Variants in HOATZ observed in about 807,000 individuals in gnomAD.
HOATZ encodes the protein cilia- and flagella-associated protein HOATZ.
HOATZ carries 26 observed loss-of-function variants against 24.9 expected under a neutral mutation model. The ratio of observed to expected loss-of-function variants is 1.04; its 90% CI spans 0.76 to 1.45. The LOEUF (loss-of-function observed/expected upper bound fraction) is 1.45, where lower values mean the gene tolerates loss of function less well. Ranked by LOEUF, HOATZ falls within the 40% of genes most tolerant of loss-of-function variation. The probability of loss-of-function intolerance (pLI) is 0.00; values close to 1 mark genes in which losing one functional copy is unlikely to be tolerated. For synonymous variants in HOATZ, 83 were observed against 76.6 expected (o/e 1.08, Z -0.43); for missense variants, 226 against 201.5 (o/e 1.12, Z -0.74).
chr11:111,531,839 G>A (rs1867396629), intron 3 of HOATZ, among the ~76,000 whole-genome samples: 2 of 152,160 alleles, frequency 1.3e-5, no homozygotes, highest in South Asian at 4.1e-4. Flanking sequence ...TGCCCAGCGT[G>A]GGCCCCTTCT....
rs765569734 is a variant in HOATZ, at chr11:111,515,562, A to G, written c.268+10A>G. The G allele has an allele frequency of 5.0e-6, 8 of 1,609,096 alleles. No individual in the cohort carries two copies. The highest frequency in any genetic ancestry group is 6.0e-6 in the Non-Finnish European group (7 of 1,175,618). The stretch of plus-strand genomic sequence containing the variant: ...CACCTTGCGAGTAACAGTAAGTACC[A>G]AGTTTTATGCCTTTCAACATTCTGA... On this transcript the variant is annotated intron_variant, in intron 2 of 5. Coordinates refer to ENST00000375618, the MANE Select transcript of HOATZ (RefSeq NM_001100388.2).
intron 3 of HOATZ, among the ~76,000 whole-genome samples, chr11:111,529,798 T>G (rs1431405350): frequency 1.3e-5 from 2 of 152,218 alleles, no homozygotes; most frequent in African/African-American, 4.8e-5. Flanking sequence ...TTAAGAGCTT[T>G]TTTTATAATT....
chr11:111,528,173 T>A (rs953183908), intron 3 of HOATZ, among the ~76,000 whole-genome samples: 5 of 104,132 alleles, frequency 4.8e-5, no homozygotes, highest in African/African-American at 1.3e-4. Flanking sequence ...AAAAAAAAAA[T>A]CGTTTTTTAA....
In HOATZ at chr11:111,537,041, C is replaced by A; in HGVS notation, c.*214C>A. The stretch of plus-strand genomic sequence containing the variant: ...AATATGCAGGCTTCTATGAATTCTA[C>A]CAGCTATTGAATATTTGTGTCTATT... On this transcript the variant is annotated 3_prime_UTR_variant, in exon 6 of 6. Transcript: ENST00000375618. The A allele has an allele frequency of 3.9e-6, 2 of 510,234 alleles. No homozygotes were observed. Among genetic ancestry groups the A allele is most frequent in the Non-Finnish European group, 7.0e-6 (2 of 283,978 alleles). 31.6% of individuals were successfully genotyped at this position (510,234 alleles called of 1,614,324 possible). A position where few individuals can be genotyped will look rare whatever the true frequency, so the allele number is the denominator to read the frequency against.
At chr11:111,531,709 T>C (rs1186802629) in intron 3 of HOATZ, among the ~76,000 whole-genome samples, 1 of 152,208 alleles carries the variant, frequency 6.6e-6, no homozygotes, top group Non-Finnish European at 1.5e-5. Flanking sequence ...GTAGAAATCC[T>C]ATCTCAAAAT....
intron 3 of HOATZ, among the ~76,000 whole-genome samples, chr11:111,517,712 A>G (rs1193537620): frequency 1.3e-5 from 2 of 152,202 alleles, no homozygotes; most frequent in Non-Finnish European, 2.9e-5. Flanking sequence ...TACTATGAGA[A>G]CACATTGAGG....
At chr11:111,517,369 A>C (rs1867217517) in intron 3 of HOATZ, among the ~76,000 whole-genome samples, 1 of 152,238 alleles carries the variant, frequency 6.6e-6, no homozygotes, top group Admixed American at 6.5e-5. Flanking sequence ...TAGAAATAAA[A>C]GGTTAAAGAC....
intron 3 of HOATZ, among the ~76,000 whole-genome samples, chr11:111,524,132 C>T (rs945276961): frequency 6.6e-6 from 1 of 152,172 alleles, no homozygotes; most frequent in Admixed American, 6.5e-5. Context: ...AGCCCAGTTC[C>T]TTGAGCTAGA....
chr11:111,517,130 T>C (rs1009750813), intron 3 of HOATZ, among the ~76,000 whole-genome samples: 2 of 152,224 alleles, frequency 1.3e-5, no homozygotes, highest in African/African-American at 4.8e-5. Context: ...TTGAGTTTGT[T>C]TATCACATTA....
At chr11:111,527,254 C>T (rs1867349557) in intron 3 of HOATZ, among the ~76,000 whole-genome samples, 1 of 152,114 alleles carries the variant, frequency 6.6e-6, no homozygotes, top group Non-Finnish European at 1.5e-5. Context: ...AGAAAATACA[C>T]ATTTTTTTCT....
rs763332763 is a variant in HOATZ, at chr11:111,516,062, A to G, written c.291A>G (p.Glu97=). ...TAGAAAATAGAGACATCTTTGCCGA[A>G]GCCCTAAAGATACAGGAATCTGAGG... ...ASNKNRDIFA[E]ALKIQESEEK... is the part of the protein sequence containing the mutation. The change falls in exon 3 of 6, where the codon GAA becomes GAG. Residue 97 remains glutamate, a synonymous_variant. Transcript: ENST00000375618. 1 of 1,596,854 alleles carries G rather than the reference A, an allele frequency of 6.3e-7. No individual in the cohort carries two copies. The highest frequency in any genetic ancestry group is 8.5e-7 in the Non-Finnish European group (1 of 1,170,764).
intron 1 of HOATZ, 111 bp downstream of exon 1, chr11:111,515,121 A>G: frequency 1.4e-6 from 1 of 704,210 alleles, no homozygotes; most frequent in African/African-American, 1.8e-5. Flanking sequence ...AATAGTTATA[A>G]GTACATACAA....
At chr11:111,524,988 C>A in intron 3 of HOATZ, 1 of 386,940 alleles carries the variant, frequency 2.6e-6, no homozygotes, top group Non-Finnish European at 5.0e-6. Flanking sequence ...TCAGCCTCAG[C>A]CTCCAAAGTT....
chr11:111,520,477 G>T (rs1867256862), intron 3 of HOATZ, among the ~76,000 whole-genome samples: 1 of 152,128 alleles, frequency 6.6e-6, no homozygotes, highest in Non-Finnish European at 1.5e-5. Context: ...TTGGGTATGG[G>T]TTTTTAATCT....
rs559252095 is a variant in HOATZ, at chr11:111,529,446, C to T, written c.340-4300C>T. Among the ~76,000 whole-genome samples the T allele has an allele frequency of 2.6e-4, 39 of 152,210 alleles. No homozygotes were observed. The South Asian group carries it at 7.7e-3, about 30-fold the overall frequency. On this transcript the variant is annotated intron_variant, in intron 3 of 5. Coordinates refer to ENST00000375618, the MANE Select transcript of HOATZ (RefSeq NM_001100388.2). ...TGGTGCAATCTCGGCTCACTGCAAC[C>T]TCCGCCTCCTGGGTTCAAGCGATTC...
chr11:111,534,504 A>G, intron 5 of HOATZ, 40 bp downstream of exon 5: 1 of 1,460,790 alleles, frequency 6.8e-7, no homozygotes. Context: ...TCACCTTTCA[A>G]CTTACTGTGT....
intron 3 of HOATZ, among the ~76,000 whole-genome samples, chr11:111,522,531 G>A (rs1335507068): frequency 2.6e-5 from 4 of 152,178 alleles, no homozygotes; most frequent in Non-Finnish European, 5.9e-5. Context: ...GATAATAAAT[G>A]AGTGATGTAT....
intron 3 of HOATZ, among the ~76,000 whole-genome samples, chr11:111,532,488 G>A (rs976456893): frequency 1.3e-4 from 20 of 152,190 alleles, no homozygotes; most frequent in Non-Finnish European, 2.5e-4. Flanking sequence ...GACACACAGA[G>A]AGAATGCCAT....
chr11:111,521,359 T>A (rs916157789), intron 3 of HOATZ, among the ~76,000 whole-genome samples: 2 of 152,200 alleles, frequency 1.3e-5, no homozygotes, highest in African/African-American at 4.8e-5. Flanking sequence ...AGGGATACTT[T>A]GAATCATTAT....
Sources: allele counts gnomAD v4.1 joint callset (sites outside exome capture counted in the v4.1 genomes callset), GRCh38; gene constraint gnomAD v4.1.1; transcripts MANE v1.5; gene names NCBI Gene and HGNC (gene_info 2026-07-23, HGNC 2026-07-21).